Variants in VIRMA observed in about 807,000 individuals in gnomAD.
The protein encoded by VIRMA is protein virilizer homolog.
Under a neutral mutation model 182.4 loss-of-function variants are expected in VIRMA, and 65 were observed. The ratio of observed to expected loss-of-function variants is 0.36; its 90% CI spans 0.29 to 0.44. VIRMA has a LOEUF of 0.44. Ranked by LOEUF, VIRMA falls within the 20% of genes least tolerant of loss-of-function variation. The pLI is 1.00. For synonymous variants in VIRMA, 709 were observed against 743.1 expected (o/e 0.95, Z 0.75); for missense variants, 1,752 against 2,158.1 (o/e 0.81, Z 3.73).
rs561505893 is a variant in VIRMA, at chr8:94,489,844, A to G, written c.5284+95T>C. 3 of 1,349,606 alleles carry G rather than the reference A, an allele frequency of 2.2e-6. No individual in the cohort carries two copies. The Admixed American group carries it at 7.1e-5, about 32-fold the overall frequency. The allele number at this position is 1,349,606 out of a possible 1,614,324, so 83.6% of individuals were successfully genotyped here. A position where few individuals can be genotyped will look rare whatever the true frequency, so the allele number is the denominator to read the frequency against. ...TGTGGAGCAAGGAGATGGGGAGATT[A>G]GCACCCCTAGCCCCCTCTGTATATG... On this transcript the variant is annotated intron_variant, in intron 23 of 23. Coordinates refer to ENST00000297591, the MANE Select transcript of VIRMA (RefSeq NM_015496.5).
chr8:94,506,744 G>A (rs770108154), intron 15 of VIRMA, 27 bp from the exon 16 acceptor site: 23 of 1,393,910 alleles, frequency 1.7e-5, no homozygotes, highest in South Asian at 2.5e-5. Context: ...AAAAAAAATC[G>A]ATTTTTTAAA....
At chr8:94,524,161 C>T (rs148471931) in intron 8 of VIRMA, among the ~76,000 whole-genome samples, 1,539 of 151,880 alleles carry the variant, frequency 0.01, 25 homozygotes, top group African/African-American at 0.035. Flanking sequence ...CACCATGCCC[C>T]ACTAATTTTG....
chr8:94,500,169 GC>G (rs11367926), intron 16 of VIRMA, among the ~76,000 whole-genome samples: 18,212 of 151,908 alleles, frequency 0.12, 1,593 homozygotes, highest in African/African-American at 0.24. Flanking sequence ...GGAGGTCGAG[GC>G]GGGCAGATCA....
At chr8:94,551,155 T>C (rs1394227172) in intron 1 of VIRMA, among the ~76,000 whole-genome samples, 1 of 152,170 alleles carries the variant, frequency 6.6e-6, no homozygotes, top group African/African-American at 2.4e-5. Flanking sequence ...TGCCCTCCTT[T>C]CCTAACTACA....
Position 94,488,756 on chromosome 8 carries a change from C to T in VIRMA, c.5389G>A (p.Val1797Ile). The T allele has an allele frequency of 2.5e-6, 4 of 1,614,208 alleles. No homozygotes were observed. The highest frequency in any genetic ancestry group is 3.4e-6 in the Non-Finnish European group (4 of 1,180,034). Reference sequence around the variant, plus strand: ...CGACCTCTACCACTGCCTCCACTAACAAACTTTCCTCTTGAGCCTCCACTG... The same window carrying T: ...CGACCTCTACCACTGCCTCCACTAATAAACTTTCCTCTTGAGCCTCCACTG... ...SGSGGSRGKF[V>I]SGGSGRGRHV... is the part of the protein sequence containing the mutation. The change falls in exon 24 of 24, where the codon GTT becomes ATT. Residue 1797 changes from valine (V) to isoleucine (I), a missense_variant. Physicochemically the swap from Val to Ile is conservative, Grantham distance 29. Around this residue, in one of 11 missense-constraint regions of VIRMA, gnomAD observed 132 missense variants for 173.8 expected, o/e 0.76. Transcript: ENST00000297591.
intron 9 of VIRMA, among the ~76,000 whole-genome samples, chr8:94,518,732 G>A (rs1407595904): frequency 6.6e-6 from 1 of 152,116 alleles, no homozygotes; most frequent in Non-Finnish European, 1.5e-5. Flanking sequence ...AACAGCAGGG[G>A]GTACTACAGT....
chr8:94,511,332 G>A lies in VIRMA; in HGVS notation c.3243C>T (p.Ile1081=). The change falls in exon 13 of 24, where the codon ATC becomes ATT. Residue 1081 remains isoleucine, a synonymous_variant. Coordinates refer to ENST00000297591, the MANE Select transcript of VIRMA (RefSeq NM_015496.5). The part of the protein sequence containing the change: ...FTQGVNEKLT[I]SEETLANNTW... ...TATTATTGGCCAGAGTCTCTTCTGA[G>A]ATTGTGAGTTTTTCATTAACTCCTT... The A allele has an allele frequency of 6.2e-7, 1 of 1,613,688 alleles. No individual in the cohort carries two copies. The highest frequency in any genetic ancestry group is 1.3e-5 in the African/African-American group (1 of 75,012).
At chr8:94,515,967 G>A (rs936940654) in intron 10 of VIRMA, among the ~76,000 whole-genome samples, 4 of 151,692 alleles carry the variant, frequency 2.6e-5, no homozygotes, top group African/African-American at 9.7e-5. Context: ...AACTAGCTGG[G>A]CATGGTAGCA....
At chr8:94,499,347 C>T in intron 17 of VIRMA, 27 bp downstream of exon 17, 1 of 1,473,230 alleles carries the variant, frequency 6.8e-7, no homozygotes, top group South Asian at 1.2e-5. Flanking sequence ...TACATATATA[C>T]ACAAACACAA....
intron 16 of VIRMA, among the ~76,000 whole-genome samples, chr8:94,503,878 C>CA (rs556774938): frequency 0.042 from 6,073 of 144,204 alleles, 130 homozygotes; most frequent in Middle Eastern, 0.056. Context: ...ACCAAAAAAA[C>CA]AAAAAAAAAA....
intron 1 of VIRMA, among the ~76,000 whole-genome samples, chr8:94,545,451 A>G (rs1815725983): frequency 6.6e-6 from 1 of 152,182 alleles, no homozygotes; most frequent in Non-Finnish European, 1.5e-5. Flanking sequence ...TTCAAAATCT[A>G]TTTTGTTTGT....
intron 1 of VIRMA, among the ~76,000 whole-genome samples, chr8:94,550,355 C>T (rs868017411): frequency 9.3e-5 from 14 of 150,400 alleles, no homozygotes; most frequent in Admixed American, 3.3e-4. Flanking sequence ...TGCAGTGGCA[C>T]AATCTCGGCT....
intron 1 of VIRMA, among the ~76,000 whole-genome samples, chr8:94,552,754 A>G (rs1816041511): frequency 6.6e-6 from 1 of 152,184 alleles, no homozygotes; most frequent in South Asian, 2.1e-4. Context: ...CTCAAAGGAG[A>G]TGTCTGCTGA....
Position 94,520,410 on chromosome 8 carries a change from G to A in VIRMA, c.2022-934C>T, listed in dbSNP as rs549635047. On this transcript the variant is annotated intron_variant, in intron 8 of 23. Coordinates refer to ENST00000297591, the MANE Select transcript of VIRMA (RefSeq NM_015496.5). ...CTTGGGAGGCTGAGGTGGGAGGATC[G>A]CTTAAGCCCAGGAGGTTGAGGCTGC... Among the ~76,000 whole-genome samples the A allele has an allele frequency of 2.4e-4, 37 of 151,984 alleles. No individual in the cohort carries two copies. The South Asian group carries it at 6.0e-3, about 25-fold the overall frequency.
chr8:94,496,665 A>G (rs1252892239), intron 17 of VIRMA, 185 bp from the exon 18 acceptor site: 1 of 459,660 alleles, frequency 2.2e-6, no homozygotes, highest in South Asian at 6.3e-5. Flanking sequence ...TTTGAGTAAG[A>G]CTCACAAAAT....
intron 20 of VIRMA, 125 bp downstream of exon 20, chr8:94,494,735 T>C (rs1813714587): frequency 3.3e-6 from 2 of 599,832 alleles, no homozygotes; most frequent in African/African-American, 2.0e-5. Flanking sequence ...ATAAAAATAA[T>C]GTAGGACTTG....
Position 94,519,246 on chromosome 8 carries a change from C to G in VIRMA, c.2252G>C (p.Gly751Ala), listed in dbSNP as rs1318306819. Residue 751 changes from glycine (G) to alanine (A), a missense_variant, in exon 9 of 24, where the codon GGT (glycine) becomes GCT (alanine). This residue lies in a region of VIRMA where 45 missense variants were observed against 91.0 expected (regional missense o/e 0.49). Coordinates refer to ENST00000297591, the MANE Select transcript of VIRMA (RefSeq NM_015496.5). The part of the protein sequence containing the change: ...QDEEEGLQSD[G>A]VIDDAFALWL... ...CAAGGCAAATGCATCATCAATAACA[C>G]CATCAGATTGGAGACCTTCCTCCTC... 1.9e-6 allele frequency: 3 copies of G among 1,614,178 alleles called. No homozygotes were observed. The highest frequency in any genetic ancestry group is 4.5e-5 in the East Asian group (2 of 44,880).
rs145717400 is a variant in VIRMA at position 94,549,990 on chromosome 8, G to A, written c.63+3395C>T. 1.3e-3 allele frequency among the ~76,000 whole-genome samples: 191 copies of A among 152,052 alleles called. 1 individual carries two copies. Among genetic ancestry groups the A allele is most frequent in the African/African-American group, 4.3e-3 (178 of 41,488 alleles). ...TGCACAACTGTAGTCCCAGCTACTC[G>A]GGAGGCTGAGATGGAAGGATCGATT... On this transcript the variant is annotated intron_variant, in intron 1 of 23. Coordinates refer to ENST00000297591, the MANE Select transcript of VIRMA (RefSeq NM_015496.5).
Position 94,511,345 on chromosome 8 carries a change from T to C in VIRMA, c.3230A>G (p.Glu1077Gly), listed in dbSNP as rs1279966262. 6.2e-7 allele frequency: 1 copy of C among 1,613,840 alleles called. No individual in the cohort carries two copies. The highest frequency in any genetic ancestry group is 8.5e-7 in the Non-Finnish European group (1 of 1,179,946). ...AGTCTCTTCTGAGATTGTGAGTTTT[T>C]CATTAACTCCTTGTGTAAAAGTCAG... is the stretch of plus-strand genomic sequence containing the variant. Reference protein sequence around the residue: ...ILLTFTQGVNEKLTISEETLA... With the variant: ...ILLTFTQGVNGKLTISEETLA... The change falls in exon 13 of 24, where the codon GAA becomes GGA. Residue 1077 changes from glutamate (E) to glycine (G), a missense_variant. Glu to Gly is a moderately conservative substitution (Grantham distance 98). Coordinates refer to ENST00000297591, the MANE Select transcript of VIRMA (RefSeq NM_015496.5).
Sources: allele counts gnomAD v4.1 joint callset (sites outside exome capture counted in the v4.1 genomes callset), GRCh38; gene constraint gnomAD v4.1.1; regional missense constraint gnomAD v4.1.1; transcripts MANE v1.5; gene names NCBI Gene and HGNC (gene_info 2026-07-23, HGNC 2026-07-21).